The following SGCD variants were observed in gnomAD, a reference collection of about 807,000 sequenced individuals.
The protein encoded by SGCD is sarcoglycan delta, also known as delta-sarcoglycan.
In SGCD, 18 loss-of-function variants were observed where a neutral mutation model predicts 36.6. The ratio of observed to expected loss-of-function variants is 0.49; its 90% confidence interval spans 0.34 to 0.73. SGCD has a LOEUF of 0.73. Among genes scored for constraint, SGCD ranks in the 30% least tolerant of loss-of-function variants. The pLI is 0.01. For missense variants in SGCD, 387 were observed against 346.7 expected, an observed-to-expected ratio of 1.12 and a Z score of -0.92; for synonymous variants, 133 against 130.6, an observed-to-expected ratio of 1.02 and a Z score of -0.12.
upstream of SGCD, among the ~76,000 whole-genome samples, chr5:155,865,480 T>C (rs1755505821): frequency 6.6e-6 from 1 of 152,162 alleles, no homozygotes; most frequent in African/African-American, 2.4e-5. Context: ...TTGCAGATAA[T>C]TGTGAATGTT....
At chr5:156,597,176 CAAT>C (rs1398271409) in intron 6 of SGCD, among the ~76,000 whole-genome samples, 2 of 152,074 alleles carry the variant, frequency 1.3e-5, no homozygotes, top group Middle Eastern at 3.2e-3. Context: ...TATTTTTATA[CAAT>C]GTTTTCCAGT....
At chr5:155,813,976 C>T in the SGCD span, among the ~76,000 whole-genome samples, 1 of 152,166 alleles carries the variant, frequency 6.6e-6, no homozygotes, top group Non-Finnish European at 1.5e-5. Context: ...CTCTATGTGT[C>T]AGGTACTATC....
intron 7 of SGCD, among the ~76,000 whole-genome samples, chr5:156,714,392 A>G (rs1755130501): frequency 6.6e-6 from 1 of 152,242 alleles, no homozygotes; most frequent in South Asian, 2.1e-4. Flanking sequence ...GAAGGCTGAC[A>G]TGTGCCTTAT....
At chr5:156,172,798 A>G (rs1763375082) in intron 3 of SGCD, among the ~76,000 whole-genome samples, 1 of 152,018 alleles carries the variant, frequency 6.6e-6, no homozygotes. Context: ...TTTTATCATA[A>G]TAATTTATTA....
chr5:155,995,889 T>C (rs2127566168), intron 1 of SGCD, among the ~76,000 whole-genome samples: 1 of 151,760 alleles, frequency 6.6e-6, no homozygotes, highest in Non-Finnish European at 1.5e-5. Flanking sequence ...AATGGGAAAC[T>C]TCTGTTCTTA....
rs1373517526 is a variant in SGCD, at chr5:156,594,985, G to A, written c.436G>A (p.Gly146Arg). 6.2e-7 allele frequency: 1 copy of A among 1,612,466 alleles called. No individual in the cohort carries two copies. The highest frequency in any genetic ancestry group is 2.2e-5 in the East Asian group (1 of 44,842). ...AAAATTTGAGGTAAAAACTGTTTCT[G>A]GAAAATTGCTCTTCTCTGCAGACAA... ...GKKFEVKTVS[G>R]KLLFSADNNE... Residue 146 changes from glycine to arginine, a missense_variant, in exon 6 of 9, where the codon GGA becomes AGA. Coordinates refer to ENST00000337851, the MANE Select transcript of SGCD (RefSeq NM_000337.6).
chr5:156,096,948 C>T (rs1239479637), intron 1 of SGCD, among the ~76,000 whole-genome samples: 2 of 152,080 alleles, frequency 1.3e-5, no homozygotes, highest in Non-Finnish European at 2.9e-5. Flanking sequence ...CCCTTTCCTT[C>T]CTCAAGGATA....
the SGCD span, among the ~76,000 whole-genome samples, chr5:155,776,464 A>G: frequency 6.6e-6 from 1 of 152,198 alleles, no homozygotes; most frequent in Non-Finnish European, 1.5e-5. Context: ...GGCACAAAAC[A>G]GACACTGGAT....
At chr5:156,473,769 G>A (rs745604807) in intron 3 of SGCD, among the ~76,000 whole-genome samples, 2 of 152,118 alleles carry the variant, frequency 1.3e-5, no homozygotes, top group Admixed American at 6.5e-5. Flanking sequence ...ATTGATCCAC[G>A]GAATCTGTTT....
the SGCD span, among the ~76,000 whole-genome samples, chr5:155,792,043 C>T: frequency 6.6e-6 from 1 of 152,104 alleles, no homozygotes; most frequent in Non-Finnish European, 1.5e-5. Context: ...CAACATGATG[C>T]TGGTACAAAA....
At chr5:156,009,702 T>C (rs1758820252) in intron 1 of SGCD, among the ~76,000 whole-genome samples, 2 of 152,286 alleles carry the variant, frequency 1.3e-5, no homozygotes, top group South Asian at 2.1e-4. Flanking sequence ...AGCTTTTACA[T>C]AGATTTTAAA....
In SGCD at chr5:156,053,814, G is replaced by A. The variant is rs758165591; in HGVS notation, c.-281-64064G>A. ...TTTATTGCTCACAGTTATGGGGCCT[G>A]CAAAGTTCAAAATCAAGATGCTGGC... On this transcript the variant is annotated intron_variant, in intron 1 of 9. Coordinates refer to the SGCD transcript ENST00000517913. Among the ~76,000 whole-genome samples the A allele has an allele frequency of 7.5e-5, 11 of 146,572 alleles. 3 individuals are homozygous for A. Among genetic ancestry groups the A allele is most frequent in the Non-Finnish European group, 1.2e-4 (8 of 64,910 alleles).
intron 1 of SGCD, among the ~76,000 whole-genome samples, chr5:155,967,382 G>C (rs1757922266): frequency 6.6e-6 from 1 of 151,960 alleles, no homozygotes; most frequent in Non-Finnish European, 1.5e-5. Context: ...TTGAATTACA[G>C]GTGTTGTATT....
chr5:156,140,790 G>A (rs1449378870), intron 3 of SGCD, among the ~76,000 whole-genome samples: 2 of 152,164 alleles, frequency 1.3e-5, no homozygotes, highest in Non-Finnish European at 2.9e-5. Context: ...GGGTGTGCCT[G>A]GCCAAGTGAC....
chr5:156,174,390 CAG>C (rs1245374750), intron 3 of SGCD, among the ~76,000 whole-genome samples: 1 of 152,058 alleles, frequency 6.6e-6, no homozygotes, highest in East Asian at 1.9e-4. Context: ...AAGAAACAAA[CAG>C]TAGGTCATGT....
intron 1 of SGCD, among the ~76,000 whole-genome samples, chr5:155,994,237 A>G (rs1343862828): frequency 1.3e-5 from 2 of 152,130 alleles, no homozygotes; most frequent in East Asian, 3.9e-4. Context: ...GCAGTGGGGA[A>G]CTCAAACCTC....
chr5:156,085,962 CTTG>C (rs1390318952), intron 1 of SGCD, among the ~76,000 whole-genome samples: 1 of 152,188 alleles, frequency 6.6e-6, no homozygotes, highest in African/African-American at 2.4e-5. Flanking sequence ...TTTGTCTCTT[CTTG>C]TTTTCCTACA....
intron 1 of SGCD, among the ~76,000 whole-genome samples, chr5:156,031,620 A>G (rs1399258472): frequency 6.6e-6 from 1 of 152,248 alleles, no homozygotes; most frequent in Non-Finnish European, 1.5e-5. Flanking sequence ...TGACAGGCTT[A>G]CATAGTCTAA....
the SGCD span, among the ~76,000 whole-genome samples, chr5:155,826,184 C>T: frequency 0.88 from 134,006 of 152,252 alleles, 59,055 homozygotes; most frequent in East Asian, 0.99. Context: ...GCTTTCCAAA[C>T]TCAGGGCTGC....
Sources: allele counts gnomAD v4.1 joint callset (sites outside exome capture counted in the v4.1 genomes callset), GRCh38; gene constraint gnomAD v4.1.1; transcripts MANE v1.5; gene names NCBI Gene and HGNC (gene_info 2026-07-23, HGNC 2026-07-21).